SRD5A2: variants seen among roughly 807,000 people sequenced by gnomAD.
SRD5A2 encodes steroid 5 alpha-reductase 2.
SRD5A2 carries 30 observed loss-of-function variants against 27.4 expected under a neutral mutation model. The ratio of observed to expected loss-of-function variants is 1.10; its 90% CI spans 0.82 to 1.49. The LOEUF (loss-of-function observed/expected upper bound fraction) is 1.49. Among genes scored for constraint, SRD5A2 ranks in the 40% most tolerant of loss-of-function variants. The probability of loss-of-function intolerance (pLI) is 0.00; values close to 1 mark genes in which losing one functional copy is unlikely to be tolerated. For synonymous variants in SRD5A2, 141 were observed against 133.6 expected, an observed-to-expected ratio of 1.06 and a Z score of -0.38; for missense variants, 348 against 323.4, an observed-to-expected ratio of 1.08 and a Z score of -0.58.
chr2:31,596,947 T>G, the SRD5A2 span, among the ~76,000 whole-genome samples: 3 of 151,860 alleles, frequency 2.0e-5, no homozygotes, highest in African/African-American at 7.3e-5. Context: ...TCAATGAAAT[T>G]CCCATCAAAA....
chr2:31,568,420 G>A (rs968577338), intron 1 of SRD5A2, among the ~76,000 whole-genome samples: 1 of 152,202 alleles, frequency 6.6e-6, no homozygotes, highest in African/African-American at 2.4e-5. Flanking sequence ...TGACAGAGAG[G>A]CTCTCGGGAG....
chr2:31,648,996 C>T, the SRD5A2 span, among the ~76,000 whole-genome samples: 1 of 152,138 alleles, frequency 6.6e-6, no homozygotes, highest in Non-Finnish European at 1.5e-5. Flanking sequence ...CTGGGTTTCC[C>T]ACTTCAGTCA....
chr2:31,589,707 T>C, the SRD5A2 span, among the ~76,000 whole-genome samples: 4 of 152,258 alleles, frequency 2.6e-5, no homozygotes, highest in African/African-American at 7.2e-5. Flanking sequence ...ATCTTTGTTA[T>C]AATTTTGGCT....
intron 1 of SRD5A2, among the ~76,000 whole-genome samples, chr2:31,575,595 C>T (rs1343655222): frequency 6.6e-6 from 1 of 152,138 alleles, no homozygotes; most frequent in African/African-American, 2.4e-5. Flanking sequence ...AATGAACTGA[C>T]TAATAAAGCA....
chr2:31,646,298 AG>A, the SRD5A2 span, among the ~76,000 whole-genome samples: 1 of 152,190 alleles, frequency 6.6e-6, no homozygotes, highest in Non-Finnish European at 1.5e-5. Context: ...AATTATTAAT[AG>A]GTAAATGTTG....
At chr2:31,564,444 C>T (rs1432477965) in intron 1 of SRD5A2, among the ~76,000 whole-genome samples, 2 of 151,710 alleles carry the variant, frequency 1.3e-5, no homozygotes, top group Non-Finnish European at 2.9e-5. Flanking sequence ...ATGTAGGTCT[C>T]ATAGATATTT....
the SRD5A2 span, among the ~76,000 whole-genome samples, chr2:31,648,461 G>GTGT: frequency 1.3e-5 from 2 of 152,210 alleles, no homozygotes; most frequent in Non-Finnish European, 2.9e-5. Flanking sequence ...ATAACATGCA[G>GTGT]TGTTGAAGCT....
chr2:31,639,945 G>A, the SRD5A2 span, among the ~76,000 whole-genome samples: 1 of 151,942 alleles, frequency 6.6e-6, no homozygotes, highest in Non-Finnish European at 1.5e-5. Flanking sequence ...CCTTGCTCTT[G>A]TTCAGATGCC....
chr2:31,624,334 C>T, the SRD5A2 span, among the ~76,000 whole-genome samples: 10 of 152,014 alleles, frequency 6.6e-5, no homozygotes, highest in Admixed American at 5.2e-4. Context: ...CTCATCCTTT[C>T]TGTTTTTTTA....
At chr2:31,550,812 C>T (rs1468818666) in intron 1 of SRD5A2, among the ~76,000 whole-genome samples, 1 of 151,830 alleles carries the variant, frequency 6.6e-6, no homozygotes, top group African/African-American at 2.4e-5. Flanking sequence ...TCCTTAAGAT[C>T]GTGAACAAGA....
chr2:31,649,490 T>G, the SRD5A2 span, among the ~76,000 whole-genome samples: 2 of 152,168 alleles, frequency 1.3e-5, no homozygotes, highest in Admixed American at 1.3e-4. Context: ...TTTTAGAAAT[T>G]TATGTCAAAT....
At chr2:31,643,739 A>T in the SRD5A2 span, among the ~76,000 whole-genome samples, 3 of 152,294 alleles carry the variant, frequency 2.0e-5, no homozygotes, top group African/African-American at 7.2e-5. Flanking sequence ...CCGCAGGTTA[A>T]ATCTGGGGAA....
chr2:31,601,130 C>A, the SRD5A2 span, among the ~76,000 whole-genome samples: 1 of 151,862 alleles, frequency 6.6e-6, no homozygotes, highest in Non-Finnish European at 1.5e-5. Context: ...ATCAACCAAT[C>A]TAGAAGCTGG....
the SRD5A2 span, among the ~76,000 whole-genome samples, chr2:31,590,453 TTC>T: frequency 6.6e-6 from 1 of 152,048 alleles, no homozygotes; most frequent in African/African-American, 2.4e-5. Flanking sequence ...TGAATGGGAG[TTC>T]ACTCATGATG....
the SRD5A2 span, among the ~76,000 whole-genome samples, chr2:31,594,022 G>T: frequency 6.6e-6 from 1 of 152,150 alleles, no homozygotes. Flanking sequence ...AGCCAGCACA[G>T]CACTAAAAGA....
At position 31,580,715 on chromosome 2, in the gene SRD5A2, C is replaced by A; in HGVS notation, c.186G>T (p.Ala62=). 1 of 1,606,008 alleles carries A rather than the reference C, an allele frequency of 6.2e-7. No homozygotes were observed. The highest frequency in any genetic ancestry group is 1.1e-5 in the South Asian group (1 of 90,862). The change falls in exon 1 of 5, where the codon GCG becomes GCT. Residue 62 remains alanine (A), a synonymous_variant. Transcript: ENST00000622030. ...GCCGGGCGAGGATCCCCGCGGGCAC[C>A]GCGAAGGAAGGCAGCTCCTGCAGGA... ...AWFLQELPSF[A]VPAGILARQP...
chr2:31,654,264 A>C, the SRD5A2 span, among the ~76,000 whole-genome samples: 3 of 152,196 alleles, frequency 2.0e-5, no homozygotes, highest in East Asian at 5.8e-4. Flanking sequence ...AAGTAGCAAG[A>C]GCCCAGCAGT....
upstream of SRD5A2, chr2:31,581,084 A>C: frequency 7.9e-6 from 5 of 630,130 alleles, no homozygotes; most frequent in Non-Finnish European, 1.3e-5. Flanking sequence ...CCCCTTTCTC[A>C]AGGATGCAGC....
At chr2:31,627,737 T>C in the SRD5A2 span, among the ~76,000 whole-genome samples, 1 of 152,124 alleles carries the variant, frequency 6.6e-6, no homozygotes, top group African/African-American at 2.4e-5. Context: ...CTAGAAGTCA[T>C]TCAGAAGCAT....
Sources: allele counts gnomAD v4.1 joint callset (sites outside exome capture counted in the v4.1 genomes callset), GRCh38; gene constraint gnomAD v4.1.1; transcripts MANE v1.5; gene names NCBI Gene and HGNC (gene_info 2026-07-23, HGNC 2026-07-21).